The following OR1J2 variants were observed in gnomAD, a reference collection of about 807,000 sequenced individuals.
The protein encoded by OR1J2 is olfactory receptor family 1 subfamily J member 2, also known as olfactory receptor 1J2.
For synonymous variants in OR1J2, 142 were observed against 99.7 expected, an observed-to-expected ratio of 1.42 and a Z score of -2.52; for missense variants, 304 against 246.1, an observed-to-expected ratio of 1.24 and a Z score of -1.57.
chr9:122,524,770 G>T, the OR1J2 span, among the ~76,000 whole-genome samples: 4 of 152,178 alleles, frequency 2.6e-5, no homozygotes, highest in African/African-American at 9.6e-5. Flanking sequence ...AGCAGATTTA[G>T]GGTATCAGGG....
At chr9:122,546,568 A>C in the OR1J2 span, among the ~76,000 whole-genome samples, 1 of 152,186 alleles carries the variant, frequency 6.6e-6, no homozygotes, top group Non-Finnish European at 1.5e-5. Context: ...TATTTCAAAA[A>C]ATGCTACGGA....
chr9:122,527,358 G>A, the OR1J2 span: 2 of 958,268 alleles, frequency 2.1e-6, no homozygotes, highest in East Asian at 2.6e-5. Flanking sequence ...ACAACTGTGT[G>A]GGCTGACTCC....
At chr9:122,478,305 AT>A in the OR1J2 span, among the ~76,000 whole-genome samples, 1 of 152,224 alleles carries the variant, frequency 6.6e-6, no homozygotes, top group African/African-American at 2.4e-5. Flanking sequence ...AGACAGTCTT[AT>A]AGTCACAGCA....
the OR1J2 span, among the ~76,000 whole-genome samples, chr9:122,573,578 T>C: frequency 0.11 from 16,831 of 152,228 alleles, 1,130 homozygotes; most frequent in South Asian, 0.19. Flanking sequence ...TTGGCCCGTT[T>C]TTAATTGGGT....
chr9:122,568,318 G>A, the OR1J2 span: 1 of 1,614,130 alleles, frequency 6.2e-7, no homozygotes, highest in South Asian at 1.1e-5. Context: ...TGAAGATGGG[G>A]GTTGAAGCGA....
At chr9:122,493,795 A>G in the OR1J2 span, among the ~76,000 whole-genome samples, 6 of 151,910 alleles carry the variant, frequency 3.9e-5, no homozygotes, top group African/African-American at 7.3e-5. Context: ...TAGATTGTCT[A>G]TTTGTGCTCT....
the OR1J2 span, among the ~76,000 whole-genome samples, chr9:122,569,828 C>T: frequency 2.6e-5 from 4 of 151,380 alleles, no homozygotes; most frequent in African/African-American, 9.7e-5. Context: ...ATCCCTCCCC[C>T]CTGCCCCCAC....
the OR1J2 span, among the ~76,000 whole-genome samples, chr9:122,471,163 C>G: frequency 6.6e-6 from 1 of 152,104 alleles, no homozygotes; most frequent in African/African-American, 2.4e-5. Context: ...TGTCCCCACC[C>G]AAATCTCAAC....
chr9:122,480,001 A>G, the OR1J2 span, among the ~76,000 whole-genome samples: 4 of 152,210 alleles, frequency 2.6e-5, no homozygotes, highest in Admixed American at 6.5e-5. Context: ...TCTAAAAGCT[A>G]AAAGTAATTT....
At chr9:122,458,541 G>A in the OR1J2 span, among the ~76,000 whole-genome samples, 1 of 152,218 alleles carries the variant, frequency 6.6e-6, no homozygotes, top group Non-Finnish European at 1.5e-5. Context: ...AGAAGCCAAG[G>A]CACGTTGTAC....
the OR1J2 span, among the ~76,000 whole-genome samples, chr9:122,481,829 AC>A: frequency 6.6e-6 from 1 of 152,136 alleles, no homozygotes; most frequent in Non-Finnish European, 1.5e-5. Context: ...ATGAAGCTAG[AC>A]CCCTATCCTT....
chr9:122,510,115 C>A (rs1005494586), upstream of OR1J2, among the ~76,000 whole-genome samples: 9 of 152,046 alleles, frequency 5.9e-5, no homozygotes, highest in African/African-American at 2.2e-4. Context: ...TGTAACAAAC[C>A]TGCACGTCCT....
chr9:122,507,344 T>C (rs1458712732), upstream of OR1J2, among the ~76,000 whole-genome samples: 1 of 152,158 alleles, frequency 6.6e-6, no homozygotes, highest in East Asian at 1.9e-4. Context: ...AGTCATCTCT[T>C]TATATCTTGC....
the OR1J2 span, chr9:122,477,108 A>G: frequency 6.2e-7 from 1 of 1,613,844 alleles, no homozygotes; most frequent in South Asian, 1.1e-5. Context: ...TCACTGAAGC[A>G]ATTATGTTCT....
chr9:122,566,760 T>C, the OR1J2 span, among the ~76,000 whole-genome samples: 1 of 141,508 alleles, frequency 7.1e-6, no homozygotes, highest in Non-Finnish European at 1.6e-5. Context: ...AATATTTCTA[T>C]AGGCTAGAGT....
At chr9:122,575,996 C>A in the OR1J2 span, among the ~76,000 whole-genome samples, 488 of 152,090 alleles carry the variant, frequency 3.2e-3, 1 homozygote, top group African/African-American at 0.012. Flanking sequence ...ATTTTTATTT[C>A]TGTGTCTGGT....
chr9:122,484,936 A>T, the OR1J2 span, among the ~76,000 whole-genome samples: 1 of 152,124 alleles, frequency 6.6e-6, no homozygotes, highest in African/African-American at 2.4e-5. Flanking sequence ...CAGGAGGCTG[A>T]GGTGGGAGGG....
chr9:122,483,360 G>A, the OR1J2 span, among the ~76,000 whole-genome samples: 2 of 152,090 alleles, frequency 1.3e-5, no homozygotes, highest in African/African-American at 4.8e-5. Flanking sequence ...TTGTTCAATA[G>A]CCAATAACTA....
the OR1J2 span, among the ~76,000 whole-genome samples, chr9:122,522,946 C>T: frequency 6.6e-6 from 1 of 152,160 alleles, no homozygotes; most frequent in Non-Finnish European, 1.5e-5. Flanking sequence ...AAAAGCTGTA[C>T]CTGTATTATG....
Sources: gnomAD v4.1 joint callset for allele counts (sites outside exome capture counted in the v4.1 genomes callset) on GRCh38, gnomAD v4.1.1 for gene constraint, MANE v1.5 for transcripts, NCBI Gene and HGNC (gene_info 2026-07-23, HGNC 2026-07-21) for gene names.